RNF185: variants seen among roughly 807,000 people sequenced by gnomAD.
RNF185 encodes E3 ubiquitin-protein ligase RNF185.
RNF185 carries 13 observed loss-of-function variants against 24.9 expected under a neutral mutation model. That is an observed-to-expected ratio of 0.52 (90% CI 0.34 to 0.83). The LOEUF (loss-of-function observed/expected upper bound fraction) is 0.83. Ranked by LOEUF, RNF185 falls within the 40% of genes least tolerant of loss-of-function variation. RNF185 has a pLI of 0.01. For missense variants in RNF185, 184 were observed against 244.7 expected, an observed-to-expected ratio of 0.75 and a Z score of 1.65; for synonymous variants, 79 against 90.3, an observed-to-expected ratio of 0.88 and a Z score of 0.71.
intron 5 of RNF185, chr22:31,197,241 G>A (rs752570451): frequency 9.0e-5 from 37 of 410,706 alleles, no homozygotes; most frequent in Non-Finnish European, 1.4e-4. Context: ...AAATCTGTGC[G>A]TGTATTTTAC....
At chr22:31,176,453 A>C (rs2047983314) in intron 1 of RNF185, among the ~76,000 whole-genome samples, 1 of 138,952 alleles carries the variant, frequency 7.2e-6, no homozygotes, top group Admixed American at 7.2e-5. Flanking sequence ...TATATATTCA[A>C]CTTTGTATAC....
In RNF185 at chr22:31,162,807, C is replaced by T. The variant is rs1923662237; in HGVS notation, c.-49+2504C>T. Among the ~76,000 whole-genome samples the T allele has an allele frequency of 2.0e-5, 3 of 150,820 alleles. No individual in the cohort carries two copies. In the South Asian group the frequency reaches 6.3e-4, roughly 32 times the overall value. On this transcript the variant is annotated intron_variant, in intron 1 of 6. Coordinates refer to ENST00000326132, the MANE Select transcript of RNF185 (RefSeq NM_152267.4). The stretch of plus-strand genomic sequence containing the variant: ...TAAGACGGAGTCTCGCTCTGTTGCC[C>T]AGGCTGGAATGCAGTGGCTCCATCT...
At chr22:31,191,035 A>G (rs1237467562) in intron 2 of RNF185, among the ~76,000 whole-genome samples, 1 of 152,248 alleles carries the variant, frequency 6.6e-6, no homozygotes, top group East Asian at 1.9e-4. Flanking sequence ...GTAGTAAGCT[A>G]TTTCAGCTAG....
intron 5 of RNF185, 127 bp from the exon 6 acceptor site, chr22:31,201,371 A>G (rs554402523): frequency 4.3e-4 from 316 of 743,008 alleles, no homozygotes; most frequent in Non-Finnish European, 6.8e-4. Flanking sequence ...CCTTCGAAAC[A>G]TGTGGCACAA....
chr22:31,190,433 C>T (rs1443265119), intron 2 of RNF185, among the ~76,000 whole-genome samples: 2 of 151,338 alleles, frequency 1.3e-5, no homozygotes, highest in African/African-American at 2.4e-5. Context: ...ATTACACATA[C>T]GTGCCACCAC....
chr22:31,178,415 T>C (rs1341164277), intron 1 of RNF185, among the ~76,000 whole-genome samples: 1 of 152,140 alleles, frequency 6.6e-6, no homozygotes, highest in Admixed American at 6.5e-5. Flanking sequence ...ACTCTGTTAA[T>C]TAGAGAATCA....
intron 1 of RNF185, among the ~76,000 whole-genome samples, chr22:31,164,611 C>T (rs1201621967): frequency 4.5e-5 from 5 of 110,572 alleles, no homozygotes; most frequent in African/African-American, 1.8e-4. Context: ...TTTTTTGAGA[C>T]GGAGTCTCAC....
rs765692315 is a variant in RNF185, at chr22:31,192,700, C to A, written c.193C>A (p.Gln65Lys). Residue 65 changes from glutamine to lysine, a missense_variant and splice_region_variant, in exon 3 of 7, where the codon CAG becomes AAG. Gln to Lys is a moderately conservative substitution (Grantham distance 53, BLOSUM62 1). Coordinates refer to ENST00000326132, the MANE Select transcript of RNF185 (RefSeq NM_152267.4). ...GHLFCWPCLH[Q>K]WLETRPNRQV... ...CTCTGGCAGTTGGCCGTGTTTACAT[C>A]AGGTAAGATGCATTTCATTTTACTT... 1.2e-6 allele frequency: 2 copies of A among 1,613,766 alleles called. No homozygotes were observed. The highest frequency in any genetic ancestry group is 1.7e-6 in the Non-Finnish European group (2 of 1,179,688).
chr22:31,195,253 A>G (rs2048194438), intron 3 of RNF185, among the ~76,000 whole-genome samples: 1 of 152,146 alleles, frequency 6.6e-6, no homozygotes, highest in South Asian at 2.1e-4. Context: ...CACCCGGCCA[A>G]TTATGATGAT....
At position 31,193,213 on chromosome 22, in the gene RNF185, G is replaced by A. The variant is rs532510748; in HGVS notation, c.195+511G>A. On this transcript the variant is annotated intron_variant, in intron 3 of 6. Coordinates refer to ENST00000326132, the MANE Select transcript of RNF185 (RefSeq NM_152267.4). The stretch of plus-strand genomic sequence containing the variant: ...CAGCCTGCTGAAAGTCTCCCTGGTC[G>A]TCAGCAGTAGAGTACCACACTCGTA... Among the ~76,000 whole-genome samples the A allele has an allele frequency of 1.6e-4, 25 of 152,284 alleles. 1 individual carries two copies. Among genetic ancestry groups the A allele is most frequent in the Admixed American group, 1.5e-3 (23 of 15,292 alleles).
intron 1 of RNF185, among the ~76,000 whole-genome samples, chr22:31,173,416 G>GACACACAGAC (rs71319168): frequency 2.7e-5 from 4 of 146,902 alleles, no homozygotes; most frequent in South Asian, 4.4e-4. Flanking sequence ...CACACACACA[G>GACACACAGAC]ACACACACAC....
At chr22:31,199,466 C>G (rs1247307574) in intron 5 of RNF185, among the ~76,000 whole-genome samples, 2 of 152,218 alleles carry the variant, frequency 1.3e-5, no homozygotes, top group African/African-American at 4.8e-5. Context: ...GCCAGAGGCC[C>G]TGGCCTTGTT....
At chr22:31,190,474 A>T (rs1447506485) in intron 2 of RNF185, among the ~76,000 whole-genome samples, 1 of 151,830 alleles carries the variant, frequency 6.6e-6, no homozygotes, top group Non-Finnish European at 1.5e-5. Flanking sequence ...TTTAGTAGAG[A>T]CGGGGTTTTA....
chr22:31,201,412 A>G (rs748307854), intron 5 of RNF185, 86 bp from the exon 6 acceptor site: 5 of 963,600 alleles, frequency 5.2e-6, no homozygotes, highest in Non-Finnish European at 8.5e-6. Context: ...GCCACATGCA[A>G]GACAACGTGA....
At chr22:31,191,289 G>C (rs1343859305) in intron 2 of RNF185, among the ~76,000 whole-genome samples, 2 of 152,180 alleles carry the variant, frequency 1.3e-5, no homozygotes, top group Admixed American at 1.3e-4. Context: ...TCTCCACTCA[G>C]TTTAGAATGA....
rs572813145 is a variant in RNF185 at position 31,167,258 on chromosome 22, C to T, written c.-49+6955C>T. Among the ~76,000 whole-genome samples the T allele has an allele frequency of 1.6e-4, 24 of 152,268 alleles. No individual in the cohort carries two copies. In the East Asian group the frequency reaches 4.6e-3, roughly 29 times the overall value. On this transcript the variant is annotated intron_variant, in intron 1 of 6. Coordinates refer to ENST00000326132, the MANE Select transcript of RNF185 (RefSeq NM_152267.4). ...TGGCAACTCACTGCAGCCTCAACCT[C>T]TGAGGCTCAAGCAATCCTCTTGCCT...
At position 31,206,630 on chromosome 22, in the gene RNF185, T is replaced by C. The variant is rs2048316942; in HGVS notation, c.*2044T>C. 6.6e-6 allele frequency: 1 copy of C among 152,370 alleles called. No homozygotes were observed. Among genetic ancestry groups the C allele is most frequent in the African/African-American group, 2.4e-5 (1 of 41,464 alleles). The allele number at this position is 152,370 out of a possible 1,614,324, so 9.4% of individuals were successfully genotyped here. ...AGGAGAGCTCAGCCAACAGAGGCAC[T>C]CTGGGAACCTGTTAGTAAAGCCAGG... On this transcript the variant is annotated 3_prime_UTR_variant, in exon 7 of 7. Coordinates refer to ENST00000326132, the MANE Select transcript of RNF185 (RefSeq NM_152267.4).
intron 1 of RNF185, among the ~76,000 whole-genome samples, chr22:31,181,397 T>C (rs2048035256): frequency 6.6e-6 from 1 of 152,142 alleles, no homozygotes; most frequent in Admixed American, 6.5e-5. Context: ...ACACACAGAC[T>C]ATTACAGTGA....
At chr22:31,171,307 T>A (rs1414001691) in intron 1 of RNF185, among the ~76,000 whole-genome samples, 2 of 151,678 alleles carry the variant, frequency 1.3e-5, no homozygotes, top group East Asian at 3.9e-4. Context: ...GTAGCTGGGA[T>A]TACAGGCGCC....
Sources: allele counts gnomAD v4.1 joint callset (sites outside exome capture counted in the v4.1 genomes callset), GRCh38; gene constraint gnomAD v4.1.1; transcripts MANE v1.5; gene names NCBI Gene and HGNC (gene_info 2026-07-23, HGNC 2026-07-21).